The following SMYD1 variants were observed in gnomAD, a reference collection of about 807,000 sequenced individuals.
SMYD1 encodes the protein histone-lysine N-methyltransferase SMYD1.
A neutral mutation model predicts 54.0 loss-of-function variants in SMYD1; 49 were observed. The ratio of observed to expected loss-of-function variants is 0.91; its 90% confidence interval spans 0.72 to 1.15. SMYD1 has a LOEUF of 1.15. SMYD1 is among the 50% of genes most tolerant of loss of function. The pLI is 0.00. For synonymous variants in SMYD1, 269 were observed against 234.2 expected, an observed-to-expected ratio of 1.15 and a Z score of -1.36; for missense variants, 653 against 639.6, an observed-to-expected ratio of 1.02 and a Z score of -0.23.
intron 4 of SMYD1, among the ~76,000 whole-genome samples, chr2:88,092,599 T>C (rs1294337682): frequency 1.3e-5 from 2 of 152,248 alleles, no homozygotes; most frequent in Non-Finnish European, 2.9e-5. Flanking sequence ...AACCAGGCTC[T>C]TAAGTAATTG....
In SMYD1 at chr2:88,110,789, G is replaced by C; in HGVS notation, c.*277G>C. The C allele has an allele frequency of 2.8e-6, 1 of 363,210 alleles. No homozygotes were observed. The highest frequency in any genetic ancestry group is 7.6e-5 in the South Asian group (1 of 13,090). 22.5% of individuals were successfully genotyped at this position (363,210 alleles called of 1,614,324 possible). ...ATAAAGGAGCTCCAAATGTCGTTGG[G>C]TGGGGAAGCAAAATGTAGAGAAACA... On this transcript the variant is annotated 3_prime_UTR_variant, in exon 10 of 10. Transcript: ENST00000419482.
chr2:88,073,969 G>A (rs1444761195), intron 1 of SMYD1, among the ~76,000 whole-genome samples: 3 of 151,974 alleles, frequency 2.0e-5, no homozygotes, highest in African/African-American at 7.3e-5. Context: ...TACCTAGCTC[G>A]ATGCACATAA....
chr2:88,092,213 A>G (rs1326809267), intron 4 of SMYD1, among the ~76,000 whole-genome samples: 1 of 151,942 alleles, frequency 6.6e-6, no homozygotes, highest in Non-Finnish European at 1.5e-5. Flanking sequence ...CCGCAAAGAA[A>G]CCTGGGTGAC....
chr2:88,072,278 G>C (rs1387482192), intron 1 of SMYD1, among the ~76,000 whole-genome samples: 1 of 152,114 alleles, frequency 6.6e-6, no homozygotes, highest in African/African-American at 2.4e-5. Flanking sequence ...AGCCTCCCGA[G>C]TAGCTGGGAC....
chr2:88,106,437 A>T lies in SMYD1; in HGVS notation c.1094A>T (p.Gln365Leu). 1 of 1,614,190 alleles carries T rather than the reference A, an allele frequency of 6.2e-7. No homozygotes were observed. The highest frequency in any genetic ancestry group is 2.2e-5 in the East Asian group (1 of 44,884). The change falls in exon 8 of 10, where the codon CAG becomes CTG. Residue 365 changes from glutamine to leucine, a missense_variant. Transcript: ENST00000419482. ...GTTTCGGAGGTCCTTTCCTACCTCC[A>T]GGCCTTTGAGGAGGCCTCGTTCTAT... ...SIVSEVLSYL[Q>L]AFEEASFYAR...
intron 7 of SMYD1, among the ~76,000 whole-genome samples, chr2:88,105,857 G>A (rs1194424077): frequency 6.6e-6 from 1 of 152,158 alleles, no homozygotes; most frequent in Non-Finnish European, 1.5e-5. Context: ...AGAATCGCTT[G>A]AAGCTAAGAC....
At chr2:88,070,396 ATTTTAT>A (rs1224842958) in intron 1 of SMYD1, among the ~76,000 whole-genome samples, 3 of 152,180 alleles carry the variant, frequency 2.0e-5, no homozygotes, top group Admixed American at 6.5e-5. Flanking sequence ...GTGGAGAAAG[ATTTTAT>A]TTTTAGTTGA....
intron 1 of SMYD1, among the ~76,000 whole-genome samples, chr2:88,072,220 G>A (rs147463896): frequency 3.0e-4 from 45 of 151,294 alleles, no homozygotes; most frequent in African/African-American, 7.3e-4. Flanking sequence ...GTGAGATCTC[G>A]GCTCACTGCA....
chr2:88,109,016 T>G (rs907354485), intron 9 of SMYD1, among the ~76,000 whole-genome samples: 1 of 152,136 alleles, frequency 6.6e-6, no homozygotes, highest in Admixed American at 6.5e-5. Flanking sequence ...CTCCCATGAC[T>G]CAAGCACGTC....
At chr2:88,104,397 G>A (rs1000728808) in intron 7 of SMYD1, among the ~76,000 whole-genome samples, 3 of 152,218 alleles carry the variant, frequency 2.0e-5, no homozygotes, top group African/African-American at 7.2e-5. Flanking sequence ...TGTCAGGTGG[G>A]TAGACAGTCA....
intron 1 of SMYD1, among the ~76,000 whole-genome samples, chr2:88,081,726 G>C (rs180991303): frequency 2.5e-4 from 38 of 152,274 alleles, no homozygotes; most frequent in Non-Finnish European, 4.9e-4. Flanking sequence ...GTGAGCCACT[G>C]CACCCGGCCA....
At position 88,104,250 on chromosome 2, in the gene SMYD1, G is replaced by A. The variant is rs188056787; in HGVS notation, c.981+1100G>A. 1.1e-4 allele frequency among the ~76,000 whole-genome samples: 17 copies of A among 152,324 alleles called. No individual in the cohort carries two copies. In the East Asian group the frequency reaches 2.1e-3, roughly 19 times the overall value. On this transcript the variant is annotated intron_variant, in intron 7 of 9. Coordinates refer to ENST00000419482, the MANE Select transcript of SMYD1 (RefSeq NM_198274.4). Reference sequence around the variant, plus strand: ...CAAAGTGCTGGGATTACAGGCGTGAGCCACTGCGCCTGGCCTCATTTCTAT... The same window carrying A: ...CAAAGTGCTGGGATTACAGGCGTGAACCACTGCGCCTGGCCTCATTTCTAT...
chr2:88,104,170 G>T (rs949021822), intron 7 of SMYD1, among the ~76,000 whole-genome samples: 10 of 152,104 alleles, frequency 6.6e-5, no homozygotes, highest in Non-Finnish European at 1.3e-4. Context: ...GTTTCACCAT[G>T]TTAGCCAGGA....
At chr2:88,081,599 C>G (rs1182252594) in intron 1 of SMYD1, among the ~76,000 whole-genome samples, 1 of 152,034 alleles carries the variant, frequency 6.6e-6, no homozygotes, top group Non-Finnish European at 1.5e-5. Flanking sequence ...CCATGCCCAA[C>G]TAATTTCTGT....
intron 1 of SMYD1, among the ~76,000 whole-genome samples, chr2:88,082,754 G>T (rs1674228404): frequency 6.6e-6 from 1 of 152,204 alleles, no homozygotes; most frequent in Admixed American, 6.5e-5. Context: ...TTGGAGGAGA[G>T]AAATGAATGG....
chr2:88,068,989 G>A (rs1007641830), intron 1 of SMYD1, among the ~76,000 whole-genome samples: 6 of 152,154 alleles, frequency 3.9e-5, no homozygotes, highest in Non-Finnish European at 8.8e-5. Flanking sequence ...TTGCTGGGCC[G>A]TAGGATGTGA....
At chr2:88,110,005 C>T (rs754359036) in intron 9 of SMYD1, among the ~76,000 whole-genome samples, 6 of 152,138 alleles carry the variant, frequency 3.9e-5, no homozygotes, top group Non-Finnish European at 5.9e-5. Flanking sequence ...ACGGCTGAAG[C>T]GATTATGTCT....
chr2:88,110,853 A>T lies in SMYD1; in HGVS notation c.*341A>T, dbSNP rs887250861. ...GTAATAATAAATGCAATTATAAACTATATGGAGGAGGGTGCAGAGGAGGGA... is the reference window on the plus strand; with the variant it reads ...GTAATAATAAATGCAATTATAAACTTTATGGAGGAGGGTGCAGAGGAGGGA... On this transcript the variant is annotated 3_prime_UTR_variant, in exon 10 of 10. Coordinates refer to ENST00000419482, the MANE Select transcript of SMYD1 (RefSeq NM_198274.4). 3.9e-5 allele frequency: 8 copies of T among 202,988 alleles called. No individual in the cohort carries two copies. The highest frequency in any genetic ancestry group is 7.9e-5 in the Non-Finnish European group (8 of 101,550). 12.6% of individuals were successfully genotyped at this position (202,988 alleles called of 1,614,324 possible).
chr2:88,096,957 G>T (rs1674604517), intron 6 of SMYD1, among the ~76,000 whole-genome samples, 173 bp downstream of exon 6: 1 of 152,196 alleles, frequency 6.6e-6, no homozygotes, highest in African/African-American at 2.4e-5. Context: ...TCCCAGCTAG[G>T]TCCTGGCACT....
Sources: allele counts gnomAD v4.1 joint callset (sites outside exome capture counted in the v4.1 genomes callset), GRCh38; gene constraint gnomAD v4.1.1; transcripts MANE v1.5; gene names NCBI Gene and HGNC (gene_info 2026-07-23, HGNC 2026-07-21).